Variants in AP3S2 observed in about 807,000 individuals in gnomAD.
The protein encoded by AP3S2 is AP-3 complex subunit sigma-2.
Under a neutral mutation model 23.4 loss-of-function variants are expected in AP3S2, and 22 were observed. That is an observed-to-expected ratio of 0.94 (90% CI 0.67 to 1.34). The LOEUF (loss-of-function observed/expected upper bound fraction) is 1.34. AP3S2 is among the 40% of genes most tolerant of loss of function. The pLI is 0.00. For missense variants in AP3S2, 241 were observed against 236.9 expected (o/e 1.02, Z -0.11); for synonymous variants, 86 against 87.1 (o/e 0.99, Z 0.07).
At chr15:89,889,277 A>C in intron 1 of AP3S2, 137 bp from the exon 2 acceptor site, 10 of 905,262 alleles carry the variant, frequency 1.1e-5, no homozygotes, top group Non-Finnish European at 1.7e-5. Context: ...AAATGATAAA[A>C]ATGATGAGAA....
rs1325518319 is a variant in AP3S2, at chr15:89,856,848, G to T, written c.345+14627C>A. ...AGATCATGCCACTGCACTCCAGCCTGGGCAACAGAGTAAGACTCTGTCTTA... is the reference window on the plus strand; with the variant it reads ...AGATCATGCCACTGCACTCCAGCCTTGGCAACAGAGTAAGACTCTGTCTTA... On this transcript the variant is annotated intron_variant, in intron 4 of 5. Coordinates refer to ENST00000336418, the MANE Select transcript of AP3S2 (RefSeq NM_005829.5). 2.0e-5 allele frequency among the ~76,000 whole-genome samples: 3 copies of T among 150,048 alleles called. No homozygotes were observed. The East Asian group carries it at 5.8e-4, about 29-fold the overall frequency.
chr15:89,866,868 C>T (rs944218573), intron 4 of AP3S2, among the ~76,000 whole-genome samples: 2 of 152,108 alleles, frequency 1.3e-5, no homozygotes, highest in African/African-American at 4.8e-5. Context: ...TCACAGGTGC[C>T]TGATAAAAAA....
chr15:89,857,101 T>A (rs1046523518), intron 4 of AP3S2, among the ~76,000 whole-genome samples: 1 of 152,082 alleles, frequency 6.6e-6, no homozygotes, highest in Admixed American at 6.5e-5. Context: ...AGAACTACAA[T>A]ACCGAAGTTT....
Position 89,870,884 on chromosome 15 carries a change from T to G in AP3S2, c.345+591A>C, listed in dbSNP as rs190016310. Among the ~76,000 whole-genome samples the G allele has an allele frequency of 3.9e-5, 6 of 152,296 alleles. No individual in the cohort carries two copies. In the East Asian group the frequency reaches 1.2e-3, roughly 29 times the overall value. ...TTCCCTTGCTGGCTATTGCCCAAGT[T>G]TAATTTGGCATATGAGGACATAGGC... On this transcript the variant is annotated intron_variant, in intron 4 of 5. Coordinates refer to ENST00000336418, the MANE Select transcript of AP3S2 (RefSeq NM_005829.5).
intron 4 of AP3S2, among the ~76,000 whole-genome samples, chr15:89,849,810 T>A (rs1895599086): frequency 6.6e-6 from 1 of 150,832 alleles, no homozygotes; most frequent in African/African-American, 2.4e-5. Context: ...GTATTTCTCC[T>A]AATGCTACCC....
chr15:89,849,346 T>C (rs1331330991), intron 4 of AP3S2, among the ~76,000 whole-genome samples: 1 of 152,144 alleles, frequency 6.6e-6, no homozygotes, highest in Non-Finnish European at 1.5e-5. Context: ...TTGCAGCTCA[T>C]TGTTAATATC....
At chr15:89,878,288 C>T (rs1229524639) in intron 3 of AP3S2, 11 of 661,848 alleles carry the variant, frequency 1.7e-5, no homozygotes, top group Non-Finnish European at 2.7e-5. Flanking sequence ...AAGAAAACAA[C>T]TTCCAGATGT....
At chr15:89,869,337 C>T (rs1284699026) in intron 4 of AP3S2, among the ~76,000 whole-genome samples, 2 of 148,252 alleles carry the variant, frequency 1.3e-5, no homozygotes, top group East Asian at 2.0e-4. Context: ...AAGGGCGGTG[C>T]AAGATGTGCT....
intron 3 of AP3S2, among the ~76,000 whole-genome samples, chr15:89,874,453 T>G (rs1294437962): frequency 1.3e-5 from 2 of 152,150 alleles, no homozygotes. Context: ...GTATCAAAAT[T>G]CATTGTAAAG....
chr15:89,847,197 T>G (rs1363950218), intron 4 of AP3S2, among the ~76,000 whole-genome samples: 1 of 151,292 alleles, frequency 6.6e-6, no homozygotes. Flanking sequence ...GGCAACATAG[T>G]GAGACCTCTG....
In AP3S2 at chr15:89,832,875, G is replaced by A. The variant is rs1895110073; in HGVS notation, c.*2640C>T. The A allele has an allele frequency of 1.3e-5, 2 of 152,306 alleles. No homozygotes were observed. The highest frequency in any genetic ancestry group is 6.5e-5 in the Admixed American group (1 of 15,302). The allele number at this position is 152,306 out of a possible 1,614,324, so 9.4% of individuals were successfully genotyped here. A position where few individuals can be genotyped will look rare whatever the true frequency, so the allele number is the denominator to read the frequency against. On this transcript the variant is annotated 3_prime_UTR_variant, in exon 6 of 6. Transcript: ENST00000336418. Reference sequence around the variant, plus strand: ...CTGAATTTGCAGGCAACCTCAAGTAGTTAATGAAAAATTATTGTGGCTTGT... The same window carrying A: ...CTGAATTTGCAGGCAACCTCAAGTAATTAATGAAAAATTATTGTGGCTTGT...
intron 3 of AP3S2, among the ~76,000 whole-genome samples, chr15:89,874,940 T>C (rs1596213627): frequency 6.6e-6 from 1 of 152,348 alleles, no homozygotes; most frequent in South Asian, 2.1e-4. Context: ...AGCTAACTGA[T>C]AATGTTGGAA....
chr15:89,890,286 G>C (rs1006939969), intron 1 of AP3S2, among the ~76,000 whole-genome samples: 1 of 152,206 alleles, frequency 6.6e-6, no homozygotes, highest in Non-Finnish European at 1.5e-5. Context: ...CTGACCTCAA[G>C]TGATCCACCT....
intron 4 of AP3S2, among the ~76,000 whole-genome samples, chr15:89,856,670 C>G (rs1367643573): frequency 7.0e-6 from 1 of 142,474 alleles, no homozygotes; most frequent in East Asian, 2.1e-4. Context: ...CCACTGCACT[C>G]CAGCCTGGAT....
In AP3S2 at chr15:89,871,461, G is replaced by A; in HGVS notation, c.345+14C>T. 2 of 1,609,422 alleles carry A rather than the reference G, an allele frequency of 1.2e-6. No homozygotes were observed. The highest frequency in any genetic ancestry group is 1.7e-6 in the Non-Finnish European group (2 of 1,178,238). On this transcript the variant is annotated intron_variant, in intron 4 of 5. Coordinates refer to ENST00000336418, the MANE Select transcript of AP3S2 (RefSeq NM_005829.5). ...AGTAACCCTAGTTTGGAAGAGAACT[G>A]CAAGAGAATATACCTTATCCATATG...
intron 4 of AP3S2, among the ~76,000 whole-genome samples, chr15:89,849,429 C>T (rs1046161754): frequency 1.3e-5 from 2 of 151,856 alleles, no homozygotes; most frequent in Non-Finnish European, 2.9e-5. Flanking sequence ...TGCAGTGGCA[C>T]GATCTAGGCT....
intron 4 of AP3S2, among the ~76,000 whole-genome samples, chr15:89,864,360 T>C (rs1210126457): frequency 6.6e-6 from 1 of 152,170 alleles, no homozygotes; most frequent in Non-Finnish European, 1.5e-5. Context: ...AAAAAGCTTT[T>C]GATAAATTTT....
chr15:89,858,622 G>A (rs1306862294), intron 4 of AP3S2, among the ~76,000 whole-genome samples: 1 of 151,938 alleles, frequency 6.6e-6, no homozygotes, highest in African/African-American at 2.4e-5. Flanking sequence ...AGGAATAATA[G>A]CAAGAACAAT....
intron 2 of AP3S2, 79 bp downstream of exon 2, chr15:89,888,970 T>C (rs908622353): frequency 1.3e-6 from 2 of 1,543,340 alleles, no homozygotes; most frequent in African/African-American, 2.7e-5. Flanking sequence ...ACCTGACACT[T>C]GAGTACTGTC....
Sources: gnomAD v4.1 joint callset for allele counts (sites outside exome capture counted in the v4.1 genomes callset) on GRCh38, gnomAD v4.1.1 for gene constraint, MANE v1.5 for transcripts, NCBI Gene and HGNC (gene_info 2026-07-23, HGNC 2026-07-21) for gene names.